The following ST3GAL3 variants were observed in gnomAD, a reference collection of about 807,000 sequenced individuals.
ST3GAL3 encodes CMP-N-acetylneuraminate-beta-1,4-galactoside alpha-2,3-sialyltransferase.
In ST3GAL3, 21 loss-of-function variants were observed where a neutral mutation model predicts 50.1. The ratio of observed to expected loss-of-function variants is 0.42; its 90% CI spans 0.30 to 0.60. The LOEUF is 0.60. ST3GAL3 is among the 20% of genes least tolerant of loss of function. The probability of loss-of-function intolerance (pLI) is 0.19; values close to 1 mark genes in which losing one functional copy is unlikely to be tolerated. For synonymous variants in ST3GAL3, 183 were observed against 190.0 expected, an observed-to-expected ratio of 0.96 and a Z score of 0.30; for missense variants, 353 against 489.4, an observed-to-expected ratio of 0.72 and a Z score of 2.63.
At chr1:43,870,694 G>T (rs1385298781) in intron 5 of ST3GAL3, among the ~76,000 whole-genome samples, 1 of 152,182 alleles carries the variant, frequency 6.6e-6, no homozygotes, top group African/African-American at 2.4e-5. Context: ...AGGACCTGTG[G>T]TTTGTGCATG....
chr1:43,717,976 G>A (rs1018692315), intron 1 of ST3GAL3, among the ~76,000 whole-genome samples: 9 of 151,458 alleles, frequency 5.9e-5, no homozygotes, highest in Non-Finnish European at 8.8e-5. Context: ...GGGTTCAAGC[G>A]ATTCTCCTGC....
intron 4 of ST3GAL3, among the ~76,000 whole-genome samples, chr1:43,825,608 C>T (rs1329541125): frequency 6.6e-6 from 1 of 152,206 alleles, no homozygotes; most frequent in Non-Finnish European, 1.5e-5. Context: ...GAGGAATGGG[C>T]AGAGACCAAA....
chr1:43,872,359 G>A (rs1010100706), intron 5 of ST3GAL3, among the ~76,000 whole-genome samples: 21 of 149,876 alleles, frequency 1.4e-4, no homozygotes, highest in African/African-American at 4.2e-4. Flanking sequence ...CGGGGTGTGA[G>A]GGGGGAGGAC....
chr1:43,920,662 A>G, intron 10 of ST3GAL3, 112 bp downstream of exon 10: 1 of 1,605,018 alleles, frequency 6.2e-7, no homozygotes. Flanking sequence ...CTTTCTGGGG[A>G]AGAGGGCTCA....
At chr1:43,762,927 CAGAT>C (rs1213612738) in intron 2 of ST3GAL3, among the ~76,000 whole-genome samples, 1 of 152,058 alleles carries the variant, frequency 6.6e-6, no homozygotes, top group Non-Finnish European at 1.5e-5. Flanking sequence ...AGCAGCCAGA[CAGAT>C]AGGAGGGAAA....
chr1:43,807,702 G>A (rs553670618), intron 3 of ST3GAL3, among the ~76,000 whole-genome samples: 1 of 152,266 alleles, frequency 6.6e-6, no homozygotes, highest in African/African-American at 2.4e-5. Context: ...GCCGAGAAGA[G>A]TAGAAATGGA....
chr1:43,728,862 C>T (rs1036140758), intron 1 of ST3GAL3, among the ~76,000 whole-genome samples: 2 of 151,910 alleles, frequency 1.3e-5, no homozygotes, highest in African/African-American at 4.8e-5. Flanking sequence ...CACATATGTA[C>T]ATATACACAC....
At chr1:43,787,511 G>T (rs1377582987) in intron 2 of ST3GAL3, among the ~76,000 whole-genome samples, 1 of 152,192 alleles carries the variant, frequency 6.6e-6, no homozygotes, top group Non-Finnish European at 1.5e-5. Context: ...GCTCACAGCA[G>T]ATTTCATTTA....
At chr1:43,801,066 A>G (rs892434953) in intron 3 of ST3GAL3, among the ~76,000 whole-genome samples, 2 of 152,212 alleles carry the variant, frequency 1.3e-5, no homozygotes, top group Non-Finnish European at 2.9e-5. Context: ...CTCTGGGTAA[A>G]TGGAGTTTTC....
intron 9 of ST3GAL3, 72 bp from the exon 10 acceptor site, chr1:43,920,332 G>A: frequency 1.9e-6 from 3 of 1,603,090 alleles, no homozygotes; most frequent in East Asian, 2.2e-5. Context: ...CCCTACTTGG[G>A]GTCCCTGCCA....
In ST3GAL3 at chr1:43,761,937, C is replaced by T. The variant is rs192407000; in HGVS notation, c.118+25557C>T. On this transcript the variant is annotated intron_variant, in intron 2 of 11. Coordinates refer to ENST00000347631, the MANE Select transcript of ST3GAL3 (RefSeq NM_006279.5). The stretch of plus-strand genomic sequence containing the variant: ...CTGCACTCCAGCCTGGGCAACAGAG[C>T]GACACTCTGTCTCAAAAAAAAAAAA... 1.1e-3 allele frequency among the ~76,000 whole-genome samples: 125 copies of T among 113,618 alleles called. 1 individual carries two copies. In the East Asian group the frequency reaches 0.029, roughly 27 times the overall value. The allele number at this position is 113,618 out of a possible 152,430, so 74.5% of individuals were successfully genotyped here.
At chr1:43,859,131 GC>G (rs753631393) in intron 5 of ST3GAL3, among the ~76,000 whole-genome samples, 1 of 152,192 alleles carries the variant, frequency 6.6e-6, no homozygotes, top group Non-Finnish European at 1.5e-5. Flanking sequence ...GGGCCACGTG[GC>G]CTCTGTTCTC....
chr1:43,915,232 G>A (rs1385346106), intron 9 of ST3GAL3, among the ~76,000 whole-genome samples: 1 of 152,198 alleles, frequency 6.6e-6, no homozygotes, highest in Non-Finnish European at 1.5e-5. Flanking sequence ...TGGGCGCCCT[G>A]GGTGGAGGTC....
intron 1 of ST3GAL3, among the ~76,000 whole-genome samples, chr1:43,721,132 CT>C (rs996220551): frequency 2.0e-5 from 3 of 151,716 alleles, no homozygotes; most frequent in African/African-American, 7.3e-5. Context: ...GTAGTTTCAG[CT>C]ACTTGGGAGG....
At chr1:43,926,824 C>T (rs1221536212) in intron 11 of ST3GAL3, among the ~76,000 whole-genome samples, 1 of 152,100 alleles carries the variant, frequency 6.6e-6, no homozygotes, top group Non-Finnish European at 1.5e-5. Flanking sequence ...GAGCTACACC[C>T]CAGGGCTGAC....
intron 9 of ST3GAL3, chr1:43,919,066 TTTC>T (rs2082572870): frequency 2.6e-5 from 3 of 115,042 alleles, no homozygotes; most frequent in Non-Finnish European, 5.5e-5. Context: ...CCTTTCTTTG[TTTC>T]TTTTTTTTTT....
chr1:43,759,373 G>A (rs963675486), intron 2 of ST3GAL3, among the ~76,000 whole-genome samples: 46 of 152,158 alleles, frequency 3.0e-4, no homozygotes, highest in African/African-American at 1.1e-3. Flanking sequence ...GAACCTGGGA[G>A]GTGGAGATTG....
At chr1:43,926,710 A>G (rs1051873813) in intron 11 of ST3GAL3, among the ~76,000 whole-genome samples, 1 of 152,166 alleles carries the variant, frequency 6.6e-6, no homozygotes, top group Non-Finnish European at 1.5e-5. Context: ...GATGACCAGA[A>G]TCCTCCACCA....
intron 4 of ST3GAL3, among the ~76,000 whole-genome samples, chr1:43,825,245 A>T (rs1381212678): frequency 1.3e-5 from 2 of 152,214 alleles, no homozygotes; most frequent in Admixed American, 6.5e-5. Context: ...GGGTAGTGGA[A>T]TTGCGGCTAC....
Sources: allele counts gnomAD v4.1 joint callset (sites outside exome capture counted in the v4.1 genomes callset), GRCh38; gene constraint gnomAD v4.1.1; transcripts MANE v1.5; gene names NCBI Gene and HGNC (gene_info 2026-07-23, HGNC 2026-07-21).